RBMS3: variants seen among roughly 807,000 people sequenced by gnomAD.
RBMS3 encodes RNA-binding motif, single-stranded-interacting protein 3.
RBMS3 carries 27 observed loss-of-function variants against 66.8 expected under a neutral mutation model. The ratio of observed to expected loss-of-function variants is 0.40; its 90% CI spans 0.30 to 0.56. RBMS3 has a LOEUF of 0.56. RBMS3 is among the 20% of genes least tolerant of loss of function. The pLI is 0.40. For missense variants in RBMS3, 513 were observed against 549.5 expected, an observed-to-expected ratio of 0.93 and a Z score of 0.66; for synonymous variants, 188 against 183.0, an observed-to-expected ratio of 1.03 and a Z score of -0.22.
intron 2 of RBMS3, among the ~76,000 whole-genome samples, chr3:29,483,758 A>C (rs1355103801): frequency 2.0e-5 from 3 of 152,192 alleles, no homozygotes; most frequent in Non-Finnish European, 2.9e-5. Context: ...ACATATAAAA[A>C]TCATTCCTCA....
chr3:29,729,716 A>T (rs956282258), intron 4 of RBMS3, among the ~76,000 whole-genome samples: 1 of 152,098 alleles, frequency 6.6e-6, no homozygotes, highest in African/African-American at 2.4e-5. Context: ...TGTGGTTTTG[A>T]TTTGTATTTC....
chr3:29,762,847 T>C (rs2055752973), intron 5 of RBMS3, 63 bp from the exon 6 acceptor site: 1 of 1,152,616 alleles, frequency 8.7e-7, no homozygotes, highest in Non-Finnish European at 1.3e-6. Context: ...TGTTTTCCTT[T>C]ACTTCTTAAG....
At chr3:29,474,016 G>T (rs1475939607) in intron 2 of RBMS3, among the ~76,000 whole-genome samples, 1 of 152,224 alleles carries the variant, frequency 6.6e-6, no homozygotes, top group African/African-American at 2.4e-5. Flanking sequence ...CAGAGGAGAG[G>T]CCGAGAGCGA....
At chr3:29,767,566 A>G (rs1321398761) in intron 6 of RBMS3, 1 of 151,982 alleles carries the variant, frequency 6.6e-6, no homozygotes, top group Admixed American at 6.6e-5. Flanking sequence ...TAAATAAAGC[A>G]TGGGGCTTTT....
intron 1 of RBMS3, among the ~76,000 whole-genome samples, chr3:29,418,223 C>G (rs1414645519): frequency 6.6e-6 from 1 of 152,126 alleles, no homozygotes; most frequent in Non-Finnish European, 1.5e-5. Flanking sequence ...CACACTAGGT[C>G]ATGCCATTCT....
chr3:29,783,872 C>T (rs1255467647), intron 6 of RBMS3, among the ~76,000 whole-genome samples: 2 of 152,032 alleles, frequency 1.3e-5, no homozygotes, highest in African/African-American at 4.8e-5. Flanking sequence ...TGCAAATGGA[C>T]ACCAAAAGTG....
chr3:29,442,891 C>A (rs1390372275), intron 2 of RBMS3, among the ~76,000 whole-genome samples: 1 of 152,044 alleles, frequency 6.6e-6, no homozygotes, highest in African/African-American at 2.4e-5. Flanking sequence ...TCTTCTTCTA[C>A]CTGTCTCTTG....
chr3:29,369,487 AACACACACACACAC>A (rs59274434), intron 1 of RBMS3, among the ~76,000 whole-genome samples: 1,446 of 135,314 alleles, frequency 0.011, 17 homozygotes, highest in South Asian at 0.02. Context: ...ATCACTCCTT[AACACACACACACAC>A]ACACACACAC....
chr3:29,510,503 C>T (rs1041998486), intron 3 of RBMS3, among the ~76,000 whole-genome samples: 9 of 152,120 alleles, frequency 5.9e-5, no homozygotes, highest in Non-Finnish European at 8.8e-5. Context: ...AATAATGTAC[C>T]ATATGATACA....
intron 12 of RBMS3, among the ~76,000 whole-genome samples, chr3:29,967,561 C>T (rs1696932749): frequency 6.6e-6 from 1 of 152,152 alleles, no homozygotes; most frequent in African/African-American, 2.4e-5. Context: ...TCCCAAAGTG[C>T]TGGGATTACA....
At position 29,497,973 on chromosome 3, in the gene RBMS3, ATTTTTTTTTTTTTTTT is replaced by A. The variant is rs779555263; in HGVS notation, c.307+9496_307+9511del. 7.4e-4 allele frequency among the ~76,000 whole-genome samples: 32 copies of A among 43,438 alleles called. 1 individual carries two copies. Among genetic ancestry groups the A allele is most frequent in the South Asian group, 1.8e-3 (2 of 1,142 alleles). 28.5% of individuals were successfully genotyped at this position (43,438 alleles called of 152,430 possible). On this transcript the variant is annotated intron_variant, in intron 3 of 14. Transcript: ENST00000383767. ...TCAGAGTTATTCTCTAAAAGTATTC[ATTTTTTTTTTTTTTTT>A]TTTTTTTTTTTTTTTTTTTTTGGGA... is the stretch of plus-strand genomic sequence containing the variant.
At chr3:29,819,439 G>A (rs1468900169) in intron 6 of RBMS3, among the ~76,000 whole-genome samples, 1 of 152,146 alleles carries the variant, frequency 6.6e-6, no homozygotes, top group East Asian at 1.9e-4. Context: ...ACAAGCCATA[G>A]TTTACCAATT....
intron 6 of RBMS3, among the ~76,000 whole-genome samples, chr3:29,820,034 A>C (rs2058031695): frequency 6.6e-6 from 1 of 151,798 alleles, no homozygotes; most frequent in Non-Finnish European, 1.5e-5. Flanking sequence ...GTCTCTACTA[A>C]AAATACAAAA....
At chr3:29,854,657 A>G (rs1191103211) in intron 6 of RBMS3, among the ~76,000 whole-genome samples, 1 of 149,966 alleles carries the variant, frequency 6.7e-6, no homozygotes, top group African/African-American at 2.4e-5. Context: ...AAAGTAAAGA[A>G]TGGTTTTACT....
intron 10 of RBMS3, among the ~76,000 whole-genome samples, chr3:29,935,591 A>T (rs1245304552): frequency 6.6e-6 from 1 of 152,158 alleles, no homozygotes; most frequent in Non-Finnish European, 1.5e-5. Flanking sequence ...AAAGAGATCC[A>T]GTTCAGAAAC....
intron 12 of RBMS3, among the ~76,000 whole-genome samples, chr3:29,946,950 G>A (rs1372109708): frequency 6.6e-6 from 1 of 151,608 alleles, no homozygotes; most frequent in East Asian, 1.9e-4. Context: ...ACTAGGTGAA[G>A]TGAGGAAAAG....
intron 4 of RBMS3, among the ~76,000 whole-genome samples, chr3:29,589,192 T>G (rs971485408): frequency 7.2e-5 from 11 of 152,120 alleles, no homozygotes; most frequent in African/African-American, 2.7e-4. Context: ...AGCATTCTGC[T>G]GCACTGAGAA....
intron 5 of RBMS3, among the ~76,000 whole-genome samples, chr3:29,747,386 G>A (rs1191726451): frequency 5.7e-5 from 8 of 140,448 alleles, no homozygotes; most frequent in African/African-American, 2.1e-4. Flanking sequence ...AGGTAGGTAG[G>A]TAGGTAGATA....
intron 2 of RBMS3, among the ~76,000 whole-genome samples, chr3:29,437,332 T>C (rs2041438385): frequency 1.3e-5 from 2 of 152,360 alleles, no homozygotes; most frequent in South Asian, 4.1e-4. Context: ...CTGCATAGAA[T>C]TGCCAGAATT....
Sources: gnomAD v4.1 joint callset for allele counts (sites outside exome capture counted in the v4.1 genomes callset) on GRCh38, gnomAD v4.1.1 for gene constraint, MANE v1.5 for transcripts, NCBI Gene and HGNC (gene_info 2026-07-23, HGNC 2026-07-21) for gene names.